The following SGCZ variants were observed in gnomAD, a reference collection of about 807,000 sequenced individuals.
The protein encoded by SGCZ is sarcoglycan zeta.
In SGCZ, 40 loss-of-function variants were observed where a neutral mutation model predicts 41.3. That is an observed-to-expected ratio of 0.97 (90% CI 0.75 to 1.26). The LOEUF (loss-of-function observed/expected upper bound fraction) is 1.26. SGCZ is among the 50% of genes most tolerant of loss of function. The pLI is 0.00. For missense variants in SGCZ, 552 were observed against 369.8 expected (o/e 1.49, Z -4.04); for synonymous variants, 206 against 137.5 (o/e 1.50, Z -3.49).
chr8:14,260,145 C>T (rs1396490781), intron 3 of SGCZ, among the ~76,000 whole-genome samples: 1 of 152,044 alleles, frequency 6.6e-6, no homozygotes, highest in African/African-American at 2.4e-5. Flanking sequence ...AAACTACCAT[C>T]AGAGTGAACA....
chr8:14,451,950 G>T (rs1279834366), intron 2 of SGCZ, among the ~76,000 whole-genome samples: 2 of 152,140 alleles, frequency 1.3e-5, no homozygotes, highest in Non-Finnish European at 1.5e-5. Flanking sequence ...AACATAGTCA[G>T]TTTACGATCC....
At chr8:14,119,107 T>G (rs1484805800) in intron 5 of SGCZ, among the ~76,000 whole-genome samples, 1 of 152,168 alleles carries the variant, frequency 6.6e-6, no homozygotes, top group African/African-American at 2.4e-5. Flanking sequence ...AGAAAGTCAT[T>G]GGTACCTTGA....
chr8:15,217,036 A>C, intron 1 of SGCZ, among the ~76,000 whole-genome samples: 1 of 151,934 alleles, frequency 6.6e-6, no homozygotes, highest in East Asian at 1.9e-4. Context: ...TGTCCTGCTT[A>C]TGCGCTTATA....
chr8:14,118,005 C>T (rs968436181), intron 5 of SGCZ, among the ~76,000 whole-genome samples: 2 of 151,806 alleles, frequency 1.3e-5, no homozygotes, highest in Admixed American at 6.6e-5. Context: ...TGGGTTGGTT[C>T]CAAGTCTTTG....
chr8:14,442,452 T>C (rs999561722), intron 2 of SGCZ, among the ~76,000 whole-genome samples: 2 of 152,156 alleles, frequency 1.3e-5, no homozygotes, highest in East Asian at 1.9e-4. Context: ...CTTTATAAAT[T>C]ACCCAGTATC....
At chr8:14,152,594 T>C (rs1341154891) in intron 5 of SGCZ, among the ~76,000 whole-genome samples, 1 of 152,180 alleles carries the variant, frequency 6.6e-6, no homozygotes, top group African/African-American at 2.4e-5. Context: ...GGAAAGGATA[T>C]GAAGTGTTAT....
At chr8:14,799,681 T>C (rs915951997) in intron 1 of SGCZ, among the ~76,000 whole-genome samples, 10 of 143,726 alleles carry the variant, frequency 7.0e-5, no homozygotes, top group African/African-American at 2.8e-4. Flanking sequence ...AAGGGCAAAA[T>C]AAAAAAAAAT....
intron 2 of SGCZ, among the ~76,000 whole-genome samples, chr8:14,407,790 C>G (rs1375354899): frequency 6.6e-6 from 1 of 152,068 alleles, no homozygotes; most frequent in Non-Finnish European, 1.5e-5. Flanking sequence ...TTCCCTAGGT[C>G]AAGCAGAGAC....
At chr8:14,924,534 G>C (rs576639688) in intron 1 of SGCZ, among the ~76,000 whole-genome samples, 2 of 129,750 alleles carry the variant, frequency 1.5e-5, no homozygotes, top group South Asian at 5.0e-4. Flanking sequence ...TCATGAATAA[G>C]TACAAAAAAA....
chr8:14,720,884 G>GT (rs1026270556), intron 1 of SGCZ, among the ~76,000 whole-genome samples: 19 of 149,802 alleles, frequency 1.3e-4, no homozygotes, highest in African/African-American at 4.7e-4. Context: ...TTCCAATCAG[G>GT]TTTTTTCCCC....
At chr8:14,142,821 T>C (rs1803411039) in intron 5 of SGCZ, among the ~76,000 whole-genome samples, 1 of 152,010 alleles carries the variant, frequency 6.6e-6, no homozygotes, top group Admixed American at 6.6e-5. Flanking sequence ...TTTAAAAGTG[T>C]GTGGCACCTC....
At chr8:14,175,574 T>C (rs1471934635) in intron 4 of SGCZ, among the ~76,000 whole-genome samples, 2 of 152,114 alleles carry the variant, frequency 1.3e-5, no homozygotes, top group African/African-American at 4.8e-5. Context: ...AATTTTTACT[T>C]TTTCTTTTGG....
At position 15,221,184 on chromosome 8, in the gene SGCZ, A is replaced by T. The variant is rs543964501; in HGVS notation, c.39+16401T>A. Among the ~76,000 whole-genome samples, 38 of 152,260 alleles carry T rather than the reference A, an allele frequency of 2.5e-4. 1 individual carries two copies. In the South Asian group the frequency reaches 7.7e-3, roughly 31 times the overall value. On this transcript the variant is annotated intron_variant, in intron 1 of 7. Coordinates refer to ENST00000382080, the MANE Select transcript of SGCZ (RefSeq NM_139167.4). ...GAAAAGAAAATTACATAAGCAAATA[A>T]TTACATTTACTCTAAGAAGTCAAAA...
chr8:15,005,162 A>G (rs1182951128), intron 1 of SGCZ, among the ~76,000 whole-genome samples: 1 of 151,940 alleles, frequency 6.6e-6, no homozygotes, highest in Non-Finnish European at 1.5e-5. Context: ...CTTTTCATAA[A>G]ACGTAGTACA....
chr8:14,310,046 A>T (rs559234189), intron 3 of SGCZ, among the ~76,000 whole-genome samples: 9 of 152,286 alleles, frequency 5.9e-5, no homozygotes, highest in African/African-American at 2.2e-4. Context: ...CAGGAAAAAA[A>T]AATTCTGTTG....
Position 14,146,879 on chromosome 8 carries a change from A to AT in SGCZ, c.547+17700_547+17701insA, listed in dbSNP as rs1468869955. Reference sequence around the variant, plus strand: ...AGAGCGAGACTCCGTCTCAAAAAATAAAAATAAAAAAAATAATAATAATAA... The same window carrying AT: ...AGAGCGAGACTCCGTCTCAAAAAATATAAAATAAAAAAAATAATAATAATAA... On this transcript the variant is annotated intron_variant, in intron 5 of 7. Coordinates refer to ENST00000382080, the MANE Select transcript of SGCZ (RefSeq NM_139167.4). Among the ~76,000 whole-genome samples the AT allele has an allele frequency of 3.7e-5, 5 of 135,992 alleles. 2 individuals are homozygous for AT. Among genetic ancestry groups the AT allele is most frequent in the African/African-American group, 1.4e-4 (5 of 34,928 alleles). The allele number at this position is 135,992 out of a possible 152,430, so 89.2% of individuals were successfully genotyped here. A position where few individuals can be genotyped will look rare whatever the true frequency, so the allele number is the denominator to read the frequency against.
intron 2 of SGCZ, among the ~76,000 whole-genome samples, chr8:14,468,664 C>T (rs780339493): frequency 6.6e-5 from 10 of 151,894 alleles, no homozygotes; most frequent in Non-Finnish European, 1.3e-4. Flanking sequence ...ACAGATAAAC[C>T]GTAGACACTA....
chr8:14,527,461 C>G (rs142081229), intron 2 of SGCZ, among the ~76,000 whole-genome samples: 99 of 152,216 alleles, frequency 6.5e-4, no homozygotes, highest in African/African-American at 2.2e-3. Context: ...CCACCACACC[C>G]TTGTTAATTT....
intron 1 of SGCZ, among the ~76,000 whole-genome samples, chr8:14,629,421 G>A (rs956149210): frequency 2.0e-5 from 3 of 152,160 alleles, no homozygotes; most frequent in Admixed American, 1.3e-4. Flanking sequence ...AATTATTTTT[G>A]CATTTATAAT....
Sources: gnomAD v4.1 joint callset for allele counts (sites outside exome capture counted in the v4.1 genomes callset) on GRCh38, gnomAD v4.1.1 for gene constraint, MANE v1.5 for transcripts, NCBI Gene and HGNC (gene_info 2026-07-23, HGNC 2026-07-21) for gene names.